The following SYN3 variants were observed in gnomAD, a reference collection of about 807,000 sequenced individuals.
SYN3 encodes the protein synapsin III.
In SYN3, 35 loss-of-function variants were observed where a neutral mutation model predicts 65.8. The ratio of observed to expected loss-of-function variants is 0.53; its 90% CI spans 0.41 to 0.70. SYN3 has a LOEUF of 0.70. Ranked by LOEUF, SYN3 falls within the 30% of genes least tolerant of loss-of-function variation. The pLI, the probability that SYN3 is intolerant of heterozygous loss-of-function variation, is 0.00. For synonymous variants in SYN3, 270 were observed against 292.9 expected (o/e 0.92, Z 0.80); for missense variants, 680 against 749.0 (o/e 0.91, Z 1.08).
At chr22:32,974,340 A>G (rs2052115438) in intron 3 of SYN3, among the ~76,000 whole-genome samples, 2 of 152,228 alleles carry the variant, frequency 1.3e-5, no homozygotes, top group Admixed American at 1.3e-4. Context: ...GATGGAGGTG[A>G]TAACAGTGCC....
At chr22:33,000,486 G>A (rs470005) in intron 2 of SYN3, among the ~76,000 whole-genome samples, 1 of 152,114 alleles carries the variant, frequency 6.6e-6, no homozygotes, top group Non-Finnish European at 1.5e-5. Context: ...GAGTCTACAA[G>A]CTGGACACAT....
At chr22:32,890,403 CAG>C (rs1488515419) in intron 4 of SYN3, among the ~76,000 whole-genome samples, 2 of 151,390 alleles carry the variant, frequency 1.3e-5, no homozygotes, top group South Asian at 2.1e-4. Context: ...TTATTTGAGA[CAG>C]AGTCTCGCTC....
At chr22:32,680,165 G>C (rs973566428) in intron 6 of SYN3, among the ~76,000 whole-genome samples, 3 of 152,062 alleles carry the variant, frequency 2.0e-5, no homozygotes, top group African/African-American at 7.2e-5. Context: ...CTAAACTACA[G>C]CTCGCCATGG....
intron 6 of SYN3, 111 bp from the exon 7 acceptor site, chr22:32,596,847 C>T: frequency 9.0e-7 from 1 of 1,116,646 alleles, no homozygotes; most frequent in Non-Finnish European, 1.3e-6. Flanking sequence ...GTCGGGAATC[C>T]CCACAAGAAT....
chr22:32,671,275 C>A (rs1207473060), intron 6 of SYN3, among the ~76,000 whole-genome samples: 5 of 151,930 alleles, frequency 3.3e-5, no homozygotes, highest in Non-Finnish European at 7.4e-5. Context: ...TACACACTTA[C>A]ACTCCCACCC....
chr22:32,786,583 C>T (rs34999781), intron 6 of SYN3, among the ~76,000 whole-genome samples: 18,787 of 151,680 alleles, frequency 0.12, 1,614 homozygotes, highest in Non-Finnish European at 0.18. Context: ...AGGATGGTCT[C>T]GATCTCCTGA....
intron 6 of SYN3, among the ~76,000 whole-genome samples, chr22:32,746,403 A>C (rs2044934116): frequency 6.6e-6 from 1 of 151,952 alleles, no homozygotes; most frequent in Non-Finnish European, 1.5e-5. Flanking sequence ...AAGTCACTTC[A>C]GCTCTCTGGG....
At chr22:32,679,070 T>TTTTTTTTTTTTTC (rs130754) in intron 6 of SYN3, among the ~76,000 whole-genome samples, 1 of 128,606 alleles carries the variant, frequency 7.8e-6, no homozygotes, top group Non-Finnish European at 1.6e-5. Context: ...TTTTTTTTTT[T>TTTTTTTTTTTTTC]GAGATGGAGT....
chr22:32,889,904 G>T (rs1287481496), intron 4 of SYN3, among the ~76,000 whole-genome samples: 1 of 151,498 alleles, frequency 6.6e-6, no homozygotes. Context: ...AAGGTATGTT[G>T]TTCTCTCAGA....
chr22:32,965,940 C>T (rs543220973), intron 3 of SYN3, among the ~76,000 whole-genome samples: 57 of 152,238 alleles, frequency 3.7e-4, no homozygotes, highest in Non-Finnish European at 7.1e-4. Context: ...GTGATCTGCC[C>T]GCCTTGGCCT....
chr22:32,983,256 T>C (rs1161392146), intron 2 of SYN3, among the ~76,000 whole-genome samples: 2 of 152,206 alleles, frequency 1.3e-5, no homozygotes, highest in Non-Finnish European at 2.9e-5. Context: ...ACCCCAAGTC[T>C]CCCATCAGCT....
chr22:33,047,173 T>C (rs1280041827), intron 1 of SYN3, among the ~76,000 whole-genome samples: 2 of 152,212 alleles, frequency 1.3e-5, no homozygotes, highest in Non-Finnish European at 2.9e-5. Context: ...CTAAGTGGCA[T>C]CATATAATAT....
At chr22:32,562,263 G>A (rs765185349) in intron 7 of SYN3, among the ~76,000 whole-genome samples, 16 of 152,334 alleles carry the variant, frequency 1.1e-4, no homozygotes, top group Middle Eastern at 6.8e-3. Context: ...CCAGCCGACT[G>A]GAACCTTCCT....
chr22:32,796,790 T>C (rs558361163), intron 6 of SYN3, among the ~76,000 whole-genome samples: 31 of 152,252 alleles, frequency 2.0e-4, no homozygotes, highest in African/African-American at 7.0e-4. Flanking sequence ...GAAATGACAG[T>C]ACCTTCTCCA....
chr22:32,655,188 T>C (rs2060125856), intron 6 of SYN3, among the ~76,000 whole-genome samples: 1 of 152,228 alleles, frequency 6.6e-6, no homozygotes, highest in Non-Finnish European at 1.5e-5. Context: ...ACAGTGTTCA[T>C]TTCTTTTATG....
At chr22:32,793,148 T>A (rs1360438752) in intron 6 of SYN3, among the ~76,000 whole-genome samples, 1 of 152,198 alleles carries the variant, frequency 6.6e-6, no homozygotes, top group African/African-American at 2.4e-5. Context: ...TTTTTCAGCT[T>A]ATCATTCCAA....
rs962150629 is a variant in SYN3, at chr22:32,748,415, GACA to G, written c.711+116497_711+116499del. 2.6e-5 allele frequency among the ~76,000 whole-genome samples: 4 copies of G among 152,266 alleles called. No individual in the cohort carries two copies. In the East Asian group the frequency reaches 7.7e-4, roughly 29 times the overall value. ...GGTTCCTCATCAATAAAACAAGGTT[GACA>G]ACAACTGCCTTAGAGAAAATGGCAA... On this transcript the variant is annotated intron_variant, in intron 6 of 13. Transcript: ENST00000358763.
chr22:32,884,141 C>T (rs115518875), intron 4 of SYN3, among the ~76,000 whole-genome samples: 1,682 of 152,322 alleles, frequency 0.011, 28 homozygotes, highest in African/African-American at 0.037. Context: ...ACCTGGGAAA[C>T]GTTTCTAAGC....
intron 7 of SYN3, among the ~76,000 whole-genome samples, chr22:32,580,047 G>C (rs570262514): frequency 2.0e-5 from 3 of 152,340 alleles, no homozygotes; most frequent in African/African-American, 7.2e-5. Flanking sequence ...AAAGGACAGG[G>C]CTTTCCGCTG....
Sources: allele counts gnomAD v4.1 joint callset (sites outside exome capture counted in the v4.1 genomes callset), GRCh38; gene constraint gnomAD v4.1.1; transcripts MANE v1.5; gene names NCBI Gene and HGNC (gene_info 2026-07-23, HGNC 2026-07-21).